The following CSGALNACT1 variants were observed in gnomAD, a reference collection of about 807,000 sequenced individuals.
The protein encoded by CSGALNACT1 is chondroitin sulfate N-acetylgalactosaminyltransferase 1.
CSGALNACT1 carries 52 observed loss-of-function variants against 51.0 expected under a neutral mutation model. That is an observed-to-expected ratio of 1.02 (90% CI 0.82 to 1.29). CSGALNACT1 has a LOEUF of 1.29. Ranked by LOEUF, CSGALNACT1 falls within the 50% of genes most tolerant of loss-of-function variation. The pLI is 0.00. For synonymous variants in CSGALNACT1, 341 were observed against 254.4 expected (o/e 1.34, Z -3.24); for missense variants, 935 against 679.2 (o/e 1.38, Z -4.19).
intron 1 of CSGALNACT1, among the ~76,000 whole-genome samples, chr8:19,722,007 C>CA (rs57486900): frequency 0.35 from 52,208 of 151,232 alleles, 9,127 homozygotes; most frequent in East Asian, 0.39. Flanking sequence ...TCGACTCAAG[C>CA]AAAAAAAAGA....
At chr8:19,691,303 A>C (rs2061305838) in intron 1 of CSGALNACT1, among the ~76,000 whole-genome samples, 1 of 152,128 alleles carries the variant, frequency 6.6e-6, no homozygotes, top group South Asian at 2.1e-4. Context: ...GCCTCCTCCC[A>C]AACACCGCTG....
chr8:19,508,590 C>T (rs1034604515), intron 3 of CSGALNACT1, among the ~76,000 whole-genome samples: 1 of 152,084 alleles, frequency 6.6e-6, no homozygotes, highest in Admixed American at 6.5e-5. Context: ...TAGATAAACT[C>T]ATTATATCCA....
At chr8:19,449,486 T>G (rs1303667810) in intron 5 of CSGALNACT1, among the ~76,000 whole-genome samples, 1 of 152,206 alleles carries the variant, frequency 6.6e-6, no homozygotes, top group Non-Finnish European at 1.5e-5. Context: ...CTTTCTGTCA[T>G]ATATACCAGC....
intron 1 of CSGALNACT1, among the ~76,000 whole-genome samples, chr8:19,737,452 T>G (rs2154248457): frequency 6.6e-6 from 1 of 152,282 alleles, no homozygotes; most frequent in East Asian, 1.9e-4. Flanking sequence ...AATACTTTCT[T>G]TTAGGAAAAA....
At chr8:19,721,151 C>T (rs1398873841) in intron 1 of CSGALNACT1, among the ~76,000 whole-genome samples, 1 of 152,196 alleles carries the variant, frequency 6.6e-6, no homozygotes, top group African/African-American at 2.4e-5. Flanking sequence ...AAGGCTCATA[C>T]CCCAGAACCA....
At chr8:19,417,544 C>G (rs1444160367) in intron 8 of CSGALNACT1, among the ~76,000 whole-genome samples, 3 of 152,216 alleles carry the variant, frequency 2.0e-5, no homozygotes, top group Non-Finnish European at 4.4e-5. Flanking sequence ...AATCAGTTTA[C>G]TCTCCCATTG....
At chr8:19,442,728 AAG>A (rs1491072369) in intron 5 of CSGALNACT1, among the ~76,000 whole-genome samples, 24 of 151,756 alleles carry the variant, frequency 1.6e-4, no homozygotes, top group Non-Finnish European at 3.2e-4. Context: ...AAAAAAAAAA[AAG>A]ACTATGAAGT....
At chr8:19,626,235 G>A (rs1039798491) in intron 1 of CSGALNACT1, among the ~76,000 whole-genome samples, 5 of 152,152 alleles carry the variant, frequency 3.3e-5, no homozygotes, top group Admixed American at 6.5e-5. Flanking sequence ...ATAGATCAAT[G>A]GAACAGATTA....
At chr8:19,576,019 T>C (rs1220516200) in intron 3 of CSGALNACT1, among the ~76,000 whole-genome samples, 1 of 152,160 alleles carries the variant, frequency 6.6e-6, no homozygotes, top group Admixed American at 6.5e-5. Context: ...GGTGGTCTAA[T>C]GGCTCAGACA....
intron 3 of CSGALNACT1, among the ~76,000 whole-genome samples, chr8:19,525,378 C>T (rs893696340): frequency 4.0e-5 from 6 of 151,548 alleles, no homozygotes; most frequent in Middle Eastern, 3.4e-3. Context: ...CTGAGGCCGG[C>T]GGATCATTTG....
intron 3 of CSGALNACT1, among the ~76,000 whole-genome samples, chr8:19,528,192 C>T (rs1434545454): frequency 1.3e-5 from 2 of 151,866 alleles, no homozygotes; most frequent in African/African-American, 2.4e-5. Context: ...CCACGTATCC[C>T]GGTCATGTTC....
intron 1 of CSGALNACT1, among the ~76,000 whole-genome samples, chr8:19,689,268 A>C (rs1213310158): frequency 6.6e-6 from 1 of 152,130 alleles, no homozygotes; most frequent in Non-Finnish European, 1.5e-5. Flanking sequence ...ATGGTATGAC[A>C]AGGTCCAGGC....
At chr8:19,638,057 T>C (rs374814102) in intron 1 of CSGALNACT1, among the ~76,000 whole-genome samples, 48 of 150,600 alleles carry the variant, frequency 3.2e-4, no homozygotes, top group African/African-American at 1.0e-3. Context: ...GATGAAGGTA[T>C]AGAAAAACCT....
At chr8:19,447,233 T>C (rs539685497) in intron 5 of CSGALNACT1, among the ~76,000 whole-genome samples, 1 of 152,250 alleles carries the variant, frequency 6.6e-6, no homozygotes, top group Non-Finnish European at 1.5e-5. Flanking sequence ...CTGAGCCACA[T>C]GAGGAATGCA....
intron 4 of CSGALNACT1, among the ~76,000 whole-genome samples, chr8:19,488,392 T>C (rs930650537): frequency 2.5e-4 from 24 of 94,898 alleles, no homozygotes; most frequent in African/African-American, 7.3e-4. Context: ...TATATATATA[T>C]ATATATATAT....
At chr8:19,594,820 G>C (rs1221347721) in intron 2 of CSGALNACT1, among the ~76,000 whole-genome samples, 1 of 152,056 alleles carries the variant, frequency 6.6e-6, no homozygotes, top group Non-Finnish European at 1.5e-5. Context: ...CCACAGTGCA[G>C]GGATTATAGG....
At chr8:19,446,260 C>A (rs4922028) in intron 5 of CSGALNACT1, among the ~76,000 whole-genome samples, 1 of 151,982 alleles carries the variant, frequency 6.6e-6, no homozygotes, top group Non-Finnish European at 1.5e-5. Context: ...GGGCTTTGCA[C>A]GGTTATTCAT....
intron 4 of CSGALNACT1, among the ~76,000 whole-genome samples, chr8:19,493,709 T>G (rs774339992): frequency 6.6e-6 from 1 of 152,236 alleles, no homozygotes; most frequent in Non-Finnish European, 1.5e-5. Flanking sequence ...TTCTATTGCA[T>G]GCAATTCCAC....
intron 2 of CSGALNACT1, among the ~76,000 whole-genome samples, chr8:19,594,170 G>GA (rs1157565800): frequency 6.6e-6 from 1 of 152,148 alleles, no homozygotes; most frequent in Non-Finnish European, 1.5e-5. Context: ...GAGAAGAACA[G>GA]AAAAACATGG....
Sources: allele counts gnomAD v4.1 joint callset (sites outside exome capture counted in the v4.1 genomes callset), GRCh38; gene constraint gnomAD v4.1.1; transcripts MANE v1.5; gene names NCBI Gene and HGNC (gene_info 2026-07-23, HGNC 2026-07-21).